MYO5B: variants seen among roughly 807,000 people sequenced by gnomAD.
MYO5B encodes unconventional myosin-Vb.
In MYO5B, 143 loss-of-function variants were observed where a neutral mutation model predicts 229.3. That is an observed-to-expected ratio of 0.62 (90% CI 0.54 to 0.72). The LOEUF (loss-of-function observed/expected upper bound fraction) is 0.72. MYO5B is among the 30% of genes least tolerant of loss of function. MYO5B has a pLI of 0.00. For synonymous variants in MYO5B, 918 were observed against 885.2 expected (o/e 1.04, Z -0.66); for missense variants, 2,321 against 2,331.0 (o/e 1.00, Z 0.09).
chr18:49,929,966 T>TC (rs1355983688), intron 16 of MYO5B, among the ~76,000 whole-genome samples: 2 of 152,180 alleles, frequency 1.3e-5, no homozygotes, highest in Non-Finnish European at 2.9e-5. Context: ...GCATGCATCT[T>TC]CACTCACTGT....
intron 3 of MYO5B, among the ~76,000 whole-genome samples, chr18:50,038,340 T>C (rs1156275386): frequency 1.3e-5 from 2 of 152,128 alleles, no homozygotes; most frequent in East Asian, 1.9e-4. Context: ...AAAGAGACAC[T>C]GGGAACGCGA....
At chr18:49,960,765 A>C (rs775402662) in intron 12 of MYO5B, among the ~76,000 whole-genome samples, 5 of 152,196 alleles carry the variant, frequency 3.3e-5, no homozygotes, top group Non-Finnish European at 7.3e-5. Flanking sequence ...CAATGTCTTG[A>C]CATGTCTAGC....
chr18:50,043,400 TATTAA>T (rs2030101836), intron 2 of MYO5B, among the ~76,000 whole-genome samples: 4 of 49,444 alleles, frequency 8.1e-5, no homozygotes, highest in Non-Finnish European at 1.7e-4. Context: ...TATTTAAATA[TATTAA>T]ATATTAAATA....
At chr18:50,066,801 A>C (rs2030831318) in intron 1 of MYO5B, among the ~76,000 whole-genome samples, 1 of 152,176 alleles carries the variant, frequency 6.6e-6, no homozygotes, top group South Asian at 2.1e-4. Flanking sequence ...CTGAGCAGAC[A>C]CTATCAATAA....
intron 29 of MYO5B, among the ~76,000 whole-genome samples, chr18:49,861,886 C>T (rs2024334272): frequency 6.6e-6 from 1 of 152,094 alleles, no homozygotes; most frequent in Non-Finnish European, 1.5e-5. Flanking sequence ...CACCTAATGA[C>T]ATTTTTGGGA....
In MYO5B at chr18:50,195,101, G is replaced by A. The variant is rs1220648955; in HGVS notation, c.-308C>T. The stretch of plus-strand genomic sequence containing the variant: ...GGAGGCGAGGGCCGGCGAGGAGGGA[G>A]GACCCGCTCGCGTCAGAGCGGACGG... On this transcript the variant is annotated 5_prime_UTR_variant, in exon 1 of 40. Transcript: ENST00000285039. 6 of 257,708 alleles carry A rather than the reference G, an allele frequency of 2.3e-5. No homozygotes were observed. In the East Asian group the frequency reaches 2.7e-4, roughly 12 times the overall value. 16.0% of individuals were successfully genotyped at this position (257,708 alleles called of 1,614,324 possible).
In MYO5B at chr18:49,879,133, C is replaced by T. The variant is rs1484244432; in HGVS notation, c.3131-43G>A. ...AAGCTGCAGTTTTTCTGGATGGATTCCCTCACATGTATTGACTCATGTTTT... is the reference window on the plus strand; with the variant it reads ...AAGCTGCAGTTTTTCTGGATGGATTTCCTCACATGTATTGACTCATGTTTT... On this transcript the variant is annotated intron_variant, in intron 23 of 39. Transcript: ENST00000285039. 7.4e-6 allele frequency: 12 copies of T among 1,613,270 alleles called. No individual in the cohort carries two copies. In the Admixed American group the frequency reaches 1.5e-4, roughly 20 times the overall value.
intron 35 of MYO5B, among the ~76,000 whole-genome samples, chr18:49,839,561 G>A (rs1009937411): frequency 1.1e-4 from 17 of 152,196 alleles, no homozygotes; most frequent in Admixed American, 9.2e-4. Flanking sequence ...ATTTCCCTAC[G>A]GTAGCAAAAC....
chr18:49,835,213 G>A (rs1026160515), intron 39 of MYO5B, 131 bp downstream of exon 39: 2 of 698,342 alleles, frequency 2.9e-6, no homozygotes, highest in Non-Finnish European at 5.2e-6. Context: ...GAAAGTCTAG[G>A]AATGTAAGGT....
intron 22 of MYO5B, among the ~76,000 whole-genome samples, chr18:49,891,401 C>A (rs190729371): frequency 2.6e-5 from 4 of 152,310 alleles, no homozygotes; most frequent in Admixed American, 2.6e-4. Flanking sequence ...TTAGATTCCT[C>A]TCTGTACTTT....
chr18:50,062,450 T>TA (rs1266978202), intron 1 of MYO5B, among the ~76,000 whole-genome samples: 1 of 152,206 alleles, frequency 6.6e-6, no homozygotes, highest in African/African-American at 2.4e-5. Context: ...TCTAAACTAA[T>TA]AGTTTCATTT....
intron 2 of MYO5B, among the ~76,000 whole-genome samples, chr18:50,054,401 T>C (rs933724898): frequency 1.3e-5 from 2 of 152,242 alleles, no homozygotes; most frequent in Non-Finnish European, 2.9e-5. Flanking sequence ...CCATGCCTAC[T>C]GCCATTTATC....
rs753977426 is a variant in MYO5B, at chr18:50,001,310, G to A, written c.557C>T (p.Ser186Leu). The change falls in exon 5 of 40, where the codon TCG (serine) becomes TTG (leucine). Residue 186 changes from serine (S) to leucine (L), a missense_variant. This residue lies in a region of MYO5B where 2,113 missense variants were observed against 2,044.7 expected (regional missense o/e 1.03). Transcript: ENST00000285039. ...CTCTTCGATGTTGGTTTCACTGGCC[G>A]AGCCACCAACGGTGGCGAAATAGCG... ...AMRYFATVGG[S>L]ASETNIEEKV... The A allele has an allele frequency of 1.5e-5, 25 of 1,614,036 alleles. No individual in the cohort carries two copies. Among genetic ancestry groups the A allele is most frequent in the African/African-American group, 1.5e-4 (11 of 74,926 alleles).
In MYO5B at chr18:49,929,256, G is replaced by C. The variant is rs115619746; in HGVS notation, c.2090+256C>G. ...GCAACTCTAGCTAGCTCATCACTTA[G>C]ACCAACACCAAAAATCTGAAATCTG... On this transcript the variant is annotated intron_variant, in intron 17 of 39. Coordinates refer to ENST00000285039, the MANE Select transcript of MYO5B (RefSeq NM_001080467.3). 3.2e-3 allele frequency among the ~76,000 whole-genome samples: 494 copies of C among 152,294 alleles called. 4 individuals carry two copies. The highest frequency in any genetic ancestry group is 0.01 in the African/African-American group (424 of 41,554).
rs780718239 is a variant in MYO5B at position 50,194,775 on chromosome 18, A to G, written c.19T>C (p.Tyr7His). The change falls in exon 1 of 40, where the codon TAC (tyrosine) becomes CAC (histidine). Residue 7 changes from tyrosine to histidine, a missense_variant. Tyr to His is a moderately conservative substitution (Grantham distance 83). Around this residue, in one of 2 missense-constraint regions of MYO5B, gnomAD observed 2,113 missense variants for 2,044.7 expected, o/e 1.03. Coordinates refer to ENST00000285039, the MANE Select transcript of MYO5B (RefSeq NM_001080467.3). ...CTCGCGGCCGCGCTCACCTGGCTGTAGAGCTCGCCCACCGACATGGCCCGG... is the reference window on the plus strand; with the variant it reads ...CTCGCGGCCGCGCTCACCTGGCTGTGGAGCTCGCCCACCGACATGGCCCGG... MSVGELYSQCTRVWIPD... is the reference protein window; with the variant it reads MSVGELHSQCTRVWIPD... 1.4e-6 allele frequency: 2 copies of G among 1,463,620 alleles called. No homozygotes were observed. Among genetic ancestry groups the G allele is most frequent in the South Asian group, 1.3e-5 (1 of 76,764 alleles). 90.7% of individuals were successfully genotyped at this position (1,463,620 alleles called of 1,614,324 possible).
intron 14 of MYO5B, among the ~76,000 whole-genome samples, chr18:49,942,175 C>T (rs2025321399): frequency 6.6e-6 from 1 of 151,264 alleles, no homozygotes; most frequent in Admixed American, 6.6e-5. Context: ...ACACCTTATA[C>T]AAAAATTAAT....
intron 4 of MYO5B, 78 bp from the exon 5 acceptor site, chr18:50,001,489 G>A: frequency 3.3e-6 from 5 of 1,536,302 alleles, no homozygotes; most frequent in East Asian, 2.2e-5. Context: ...TCTGACAAGG[G>A]CCTGAGCCTC....
At chr18:50,117,102 T>G (rs1234620125) in intron 1 of MYO5B, among the ~76,000 whole-genome samples, 1 of 152,158 alleles carries the variant, frequency 6.6e-6, no homozygotes, top group Non-Finnish European at 1.5e-5. Context: ...ATTTGGTAGC[T>G]CATTTCAAAA....
intron 1 of MYO5B, among the ~76,000 whole-genome samples, chr18:50,172,694 C>A (rs76532004): frequency 6.6e-6 from 1 of 152,174 alleles, no homozygotes; most frequent in African/African-American, 2.4e-5. Flanking sequence ...CTGGAGACTC[C>A]GCAGTGAACA....
Sources: gnomAD v4.1 joint callset for allele counts (sites outside exome capture counted in the v4.1 genomes callset) on GRCh38, gnomAD v4.1.1 for gene constraint, gnomAD v4.1.1 regional missense constraint, MANE v1.5 for transcripts, NCBI Gene and HGNC (gene_info 2026-07-23, HGNC 2026-07-21) for gene names.